CHN1: variants seen among roughly 807,000 people sequenced by gnomAD.
CHN1 encodes the protein chimerin 1.
CHN1 carries 37 observed loss-of-function variants against 59.5 expected under a neutral mutation model. The observed-to-expected ratio is 0.62, with a 90% CI of 0.48 to 0.82. The LOEUF is 0.82. Among genes scored for constraint, CHN1 ranks in the 40% least tolerant of loss-of-function variants. The pLI is 0.00. For missense variants in CHN1, 469 were observed against 571.0 expected (o/e 0.82, Z 1.82); for synonymous variants, 206 against 200.4 (o/e 1.03, Z -0.24).
At chr2:174,973,594 G>C (rs903676241) in intron 1 of CHN1, among the ~76,000 whole-genome samples, 3 of 152,154 alleles carry the variant, frequency 2.0e-5, no homozygotes, top group Non-Finnish European at 4.4e-5. Flanking sequence ...TTCACTTCTG[G>C]GTGCTCAGGA....
chr2:174,941,141 G>A (rs1689649589), intron 3 of CHN1, among the ~76,000 whole-genome samples: 2 of 151,904 alleles, frequency 1.3e-5, no homozygotes, highest in South Asian at 4.2e-4. Context: ...TTGATGGTAG[G>A]AAACTTTCAA....
chr2:174,961,316 G>C (rs1690399276), intron 1 of CHN1, among the ~76,000 whole-genome samples: 1 of 152,124 alleles, frequency 6.6e-6, no homozygotes, highest in Admixed American at 6.5e-5. Context: ...GCTGGGTGTG[G>C]TGGCTCACAC....
intron 1 of CHN1, among the ~76,000 whole-genome samples, chr2:174,952,433 A>G (rs2105413416): frequency 6.6e-6 from 1 of 152,320 alleles, no homozygotes; most frequent in Non-Finnish European, 1.5e-5. Flanking sequence ...TGCTAATTAC[A>G]TAAAAACATC....
intron 8 of CHN1, among the ~76,000 whole-genome samples, chr2:174,823,459 C>G (rs1347012326): frequency 1.3e-5 from 2 of 151,972 alleles, no homozygotes; most frequent in African/African-American, 4.8e-5. Context: ...GTCAGGAGAT[C>G]GAGACCATCC....
intron 8 of CHN1, among the ~76,000 whole-genome samples, chr2:174,823,673 A>G (rs1685580660): frequency 1.3e-5 from 2 of 152,118 alleles, no homozygotes; most frequent in African/African-American, 4.8e-5. Flanking sequence ...AGAAAAAAAA[A>G]AAAAGAATTT....
intron 11 of CHN1, among the ~76,000 whole-genome samples, chr2:174,804,965 CCTTTT>C (rs1684842307): frequency 6.6e-6 from 1 of 152,232 alleles, no homozygotes; most frequent in Admixed American, 6.5e-5. Context: ...ACTCATTTCT[CCTTTT>C]CTTCCACTTA....
At chr2:174,872,720 A>G (rs1212312643) in intron 6 of CHN1, among the ~76,000 whole-genome samples, 1 of 152,196 alleles carries the variant, frequency 6.6e-6, no homozygotes, top group Admixed American at 6.5e-5. Context: ...CTTAAAGAGC[A>G]GTTCAAGCAC....
intron 1 of CHN1, among the ~76,000 whole-genome samples, chr2:174,998,758 T>C (rs1160311403): frequency 3.3e-5 from 5 of 152,250 alleles, no homozygotes; most frequent in African/African-American, 1.2e-4. Context: ...ACCTATCAAT[T>C]TTTAATTTTA....
At chr2:175,004,698 C>G (rs1365171753) in intron 1 of CHN1, among the ~76,000 whole-genome samples, 196 bp downstream of exon 1, 1 of 151,976 alleles carries the variant, frequency 6.6e-6, no homozygotes, top group African/African-American at 2.4e-5. Flanking sequence ...GCCCATCGGC[C>G]CTGCCGGGAG....
At chr2:174,838,406 A>C (rs377408152) in intron 7 of CHN1, among the ~76,000 whole-genome samples, 4 of 152,132 alleles carry the variant, frequency 2.6e-5, no homozygotes, top group Admixed American at 6.5e-5. Context: ...CCTCACTCTT[A>C]ATAAGACTTT....
intron 1 of CHN1, among the ~76,000 whole-genome samples, chr2:174,985,614 G>A (rs566076863): frequency 6.6e-6 from 1 of 152,220 alleles, no homozygotes; most frequent in East Asian, 1.9e-4. Context: ...TAAAAGTAAA[G>A]GCAAACATAG....
chr2:174,804,845 T>C (rs1026633243), intron 11 of CHN1, among the ~76,000 whole-genome samples: 5 of 152,338 alleles, frequency 3.3e-5, no homozygotes, highest in African/African-American at 1.2e-4. Flanking sequence ...ATTAATCTGG[T>C]GTTCAGGTAG....
At chr2:174,900,371 A>G (rs1243052461) in intron 5 of CHN1, among the ~76,000 whole-genome samples, 2 of 152,096 alleles carry the variant, frequency 1.3e-5, no homozygotes, top group Admixed American at 6.5e-5. Context: ...AGGTGCGGTG[A>G]TATGTGCCTG....
At chr2:174,888,290 A>G (rs1179352161) in intron 5 of CHN1, among the ~76,000 whole-genome samples, 1 of 152,228 alleles carries the variant, frequency 6.6e-6, no homozygotes, top group East Asian at 1.9e-4. Context: ...ATCTTGGAGA[A>G]TGACCACAAT....
In CHN1 at chr2:174,904,451, C is replaced by T. The variant is rs1019411859; in HGVS notation, c.260+10607G>A. Among the ~76,000 whole-genome samples the T allele has an allele frequency of 3.9e-5, 6 of 151,944 alleles. No homozygotes were observed. In the South Asian group the frequency reaches 8.3e-4, roughly 21 times the overall value. The stretch of plus-strand genomic sequence containing the variant: ...TTGCCCAGGCTTGAGTGCAATGGTG[C>T]GATCTCGGCTCACCACAACCTCCAC... On this transcript the variant is annotated intron_variant, in intron 5 of 12. Coordinates refer to ENST00000409900, the MANE Select transcript of CHN1 (RefSeq NM_001822.7).
intron 1 of CHN1, among the ~76,000 whole-genome samples, chr2:174,976,642 TCTTGCA>T (rs1179848559): frequency 6.6e-6 from 1 of 152,224 alleles, no homozygotes; most frequent in African/African-American, 2.4e-5. Context: ...TGGTTTTTCC[TCTTGCA>T]CTTGCATCTT....
chr2:174,826,430 T>C (rs1179835810), intron 7 of CHN1, among the ~76,000 whole-genome samples: 1 of 152,226 alleles, frequency 6.6e-6, no homozygotes, highest in Non-Finnish European at 1.5e-5. Flanking sequence ...AAGCTACTTT[T>C]AGAGAAAGTC....
At chr2:174,833,526 T>G (rs1685953647) in intron 7 of CHN1, among the ~76,000 whole-genome samples, 1 of 152,224 alleles carries the variant, frequency 6.6e-6, no homozygotes, top group African/African-American at 2.4e-5. Context: ...GTGCCCTTTA[T>G]ATTTAATGTG....
intron 1 of CHN1, among the ~76,000 whole-genome samples, chr2:174,957,167 G>C (rs566125150): frequency 1.3e-4 from 20 of 152,254 alleles, no homozygotes; most frequent in African/African-American, 4.6e-4. Flanking sequence ...TTGCTCTTAG[G>C]AACACTGTCT....
Sources: allele counts gnomAD v4.1 joint callset (sites outside exome capture counted in the v4.1 genomes callset), GRCh38; gene constraint gnomAD v4.1.1; transcripts MANE v1.5; gene names NCBI Gene and HGNC (gene_info 2026-07-23, HGNC 2026-07-21).